Variants in PYM1 observed in about 807,000 individuals in gnomAD.
PYM1 encodes partner of Y14 and mago.
In PYM1, 7 loss-of-function variants were observed where a neutral mutation model predicts 20.7. The observed-to-expected ratio is 0.34, with a 90% CI of 0.19 to 0.64. PYM1 has a LOEUF of 0.64. PYM1 is among the 30% of genes least tolerant of loss of function. PYM1 has a pLI of 0.74. For synonymous variants in PYM1, 100 were observed against 99.2 expected (o/e 1.01, Z -0.05); for missense variants, 194 against 250.0 (o/e 0.78, Z 1.51).
At chr12:55,924,542 T>TA (rs1380681531) in intron 1 of PYM1, among the ~76,000 whole-genome samples, 1 of 152,040 alleles carries the variant, frequency 6.6e-6, no homozygotes, top group East Asian at 1.9e-4. Context: ...ACAAAAATGA[T>TA]AGGCCTTGAG....
In PYM1 at chr12:55,901,689, A is replaced by C. The variant is rs1882690148; in HGVS notation, c.*183T>G. ...GGAGGGGGAAAGTCCAAAAAGTAGA[A>C]GTTGGGAAGAAAAGGGAAGGATTGA... On this transcript the variant is annotated 3_prime_UTR_variant, in exon 3 of 3. Transcript: ENST00000408946. 2 of 855,502 alleles carry C rather than the reference A, an allele frequency of 2.3e-6. No homozygotes were observed. The highest frequency in any genetic ancestry group is 3.5e-6 in the Non-Finnish European group (2 of 574,028). 53.0% of individuals were successfully genotyped at this position (855,502 alleles called of 1,614,324 possible). A position where few individuals can be genotyped will look rare whatever the true frequency, so the allele number is the denominator to read the frequency against.
At chr12:55,920,223 G>T (rs2136268278) in intron 1 of PYM1, among the ~76,000 whole-genome samples, 1 of 151,410 alleles carries the variant, frequency 6.6e-6, no homozygotes, top group South Asian at 2.1e-4. Flanking sequence ...AAAAGGAAAA[G>T]AAAAACTAGT....
intron 1 of PYM1, among the ~76,000 whole-genome samples, chr12:55,922,213 T>C (rs1883109593): frequency 6.6e-6 from 1 of 151,868 alleles, no homozygotes; most frequent in Admixed American, 6.6e-5. Context: ...TCCTTATGCG[T>C]GGGCTGGCAA....
intron 1 of PYM1, among the ~76,000 whole-genome samples, chr12:55,922,445 CAAAAAAAA>C (rs56355933): frequency 2.3e-5 from 2 of 86,246 alleles, no homozygotes; most frequent in African/African-American, 9.1e-5. Context: ...CCATCTTTAC[CAAAAAAAA>C]AAAAAAAAAA....
intron 1 of PYM1, among the ~76,000 whole-genome samples, chr12:55,916,921 G>A (rs1883017831): frequency 6.6e-6 from 1 of 152,056 alleles, no homozygotes; most frequent in African/African-American, 2.4e-5. Flanking sequence ...GACCAGCCTG[G>A]GCAACATGGT....
chr12:55,916,738 C>T (rs1374995336), intron 1 of PYM1, among the ~76,000 whole-genome samples: 4 of 152,060 alleles, frequency 2.6e-5, no homozygotes, highest in East Asian at 1.9e-4. Context: ...GTGGATGTTG[C>T]GGTGAGCCGA....
chr12:55,914,318 A>C (rs1333209951), intron 1 of PYM1: 1 of 702,346 alleles, frequency 1.4e-6, no homozygotes, highest in East Asian at 2.7e-5. Context: ...CCTTGATGGT[A>C]TCCAAGGGTG....
At chr12:55,911,145 G>A (rs1882915683) in intron 1 of PYM1, among the ~76,000 whole-genome samples, 1 of 152,136 alleles carries the variant, frequency 6.6e-6, no homozygotes, top group African/African-American at 2.4e-5. Context: ...CTTTGCTCTT[G>A]TAGCCCAGGC....
intron 1 of PYM1, chr12:55,914,200 A>C: frequency 1.5e-6 from 1 of 676,592 alleles, no homozygotes; most frequent in South Asian, 1.6e-5. Context: ...TGAAAGGCAG[A>C]GCAGAAGCTT....
chr12:55,904,419 C>A (rs1882752204), intron 1 of PYM1, among the ~76,000 whole-genome samples: 1 of 150,296 alleles, frequency 6.7e-6, no homozygotes, highest in Non-Finnish European at 1.5e-5. Context: ...TAGTGAAACC[C>A]CGTCTCTAAT....
intron 1 of PYM1, among the ~76,000 whole-genome samples, chr12:55,903,937 G>A (rs913395197): frequency 2.6e-5 from 4 of 152,038 alleles, no homozygotes; most frequent in Non-Finnish European, 4.4e-5. Context: ...ACCAGTACAC[G>A]AGGATGTATT....
chr12:55,910,291 T>C (rs1365658520), intron 1 of PYM1, among the ~76,000 whole-genome samples: 1 of 145,324 alleles, frequency 6.9e-6, no homozygotes, highest in Admixed American at 7.1e-5. Context: ...ATATATAAAA[T>C]TTTTTTTGAG....
chr12:55,906,354 T>C lies in PYM1; in HGVS notation c.38-2874A>G, dbSNP rs77858935. On this transcript the variant is annotated intron_variant, in intron 1 of 2. Transcript: ENST00000408946. ...TTTCATTGTATCATCAATGATATCC[T>C]TAGGTGAAACTGGCATTTACAGCAA... Among the ~76,000 whole-genome samples the C allele has an allele frequency of 8.9e-3, 1,350 of 152,220 alleles. 11 individuals are homozygous for C. The highest frequency in any genetic ancestry group is 0.014 in the Non-Finnish European group (975 of 68,006).
intron 1 of PYM1, among the ~76,000 whole-genome samples, chr12:55,918,569 A>G (rs1459905504): frequency 6.6e-6 from 1 of 152,190 alleles, no homozygotes; most frequent in Non-Finnish European, 1.5e-5. Context: ...CTCCATCTCT[A>G]TAAAAAATTT....
intron 1 of PYM1, among the ~76,000 whole-genome samples, chr12:55,920,309 C>G (rs1169681979): frequency 6.6e-6 from 1 of 151,934 alleles, no homozygotes; most frequent in Non-Finnish European, 1.5e-5. Context: ...TGGAGACCTG[C>G]CTGGGAAACA....
At chr12:55,904,523 G>A (rs1476218824) in intron 1 of PYM1, among the ~76,000 whole-genome samples, 1 of 149,886 alleles carries the variant, frequency 6.7e-6, no homozygotes, top group East Asian at 2.0e-4. Context: ...TTGAACCCAG[G>A]AGGCGGACAT....
chr12:55,926,587 T>C (rs2136271686), intron 1 of PYM1, among the ~76,000 whole-genome samples: 1 of 151,934 alleles, frequency 6.6e-6, no homozygotes, highest in African/African-American at 2.4e-5. Context: ...ACCCAACAAA[T>C]GAAGATACGG....
intron 1 of PYM1, among the ~76,000 whole-genome samples, chr12:55,910,599 C>T (rs527296443): frequency 3.9e-5 from 6 of 152,132 alleles, no homozygotes; most frequent in Non-Finnish European, 7.3e-5. Flanking sequence ...CCCACTACCA[C>T]GCCCAGCTAA....
At chr12:55,921,583 T>C (rs1049362321) in intron 1 of PYM1, among the ~76,000 whole-genome samples, 8 of 152,090 alleles carry the variant, frequency 5.3e-5, no homozygotes, top group Non-Finnish European at 1.0e-4. Flanking sequence ...ATCTTAGTTT[T>C]TAACATTACT....
Sources: allele counts gnomAD v4.1 joint callset (sites outside exome capture counted in the v4.1 genomes callset), GRCh38; gene constraint gnomAD v4.1.1; transcripts MANE v1.5; gene names NCBI Gene and HGNC (gene_info 2026-07-23, HGNC 2026-07-21).